Variants in CDH8 observed in about 807,000 individuals in gnomAD.
CDH8 encodes cadherin 8, also known as cadherin-8.
Under a neutral mutation model 68.1 loss-of-function variants are expected in CDH8, and 17 were observed. The observed-to-expected ratio is 0.25, with a 90% CI of 0.17 to 0.37. The LOEUF (loss-of-function observed/expected upper bound fraction) is 0.37. Among genes scored for constraint, CDH8 ranks in the 10% least tolerant of loss-of-function variants. The pLI is 1.00. For synonymous variants in CDH8, 372 were observed against 365.1 expected, an observed-to-expected ratio of 1.02 and a Z score of -0.21; for missense variants, 763 against 999.3, an observed-to-expected ratio of 0.76 and a Z score of 3.19.
chr16:61,764,070 C>A (rs985933477), intron 8 of CDH8, among the ~76,000 whole-genome samples: 1 of 152,048 alleles, frequency 6.6e-6, no homozygotes, highest in Admixed American at 6.6e-5. Context: ...TTGACAATTG[C>A]AATGGGCCAG....
intron 3 of CDH8, among the ~76,000 whole-genome samples, chr16:61,859,014 C>T (rs933838925): frequency 2.6e-5 from 4 of 152,032 alleles, no homozygotes; most frequent in South Asian, 2.1e-4. Context: ...AGATCTAGTC[C>T]GTCAATATCT....
intron 6 of CDH8, among the ~76,000 whole-genome samples, chr16:61,819,769 T>G (rs1344125868): frequency 6.6e-6 from 1 of 152,126 alleles, no homozygotes; most frequent in East Asian, 1.9e-4. Context: ...TACAGTCATA[T>G]CTACATAATG....
Position 61,649,729 on chromosome 16 carries a change from A to G in CDH8, c.*3879T>C, listed in dbSNP as rs1349704632. ...GCAAAGCCAGTGATCGCATAATACA[A>G]CTTGTTGGAAGGGCCTACTTGCCTT... is the stretch of plus-strand genomic sequence containing the variant. On this transcript the variant is annotated 3_prime_UTR_variant, in exon 12 of 12. Transcript: ENST00000577390. The G allele has an allele frequency of 1.3e-5, 2 of 152,016 alleles. No individual in the cohort carries two copies. Among genetic ancestry groups the G allele is most frequent in the Non-Finnish European group, 2.9e-5 (2 of 67,998 alleles). The allele number at this position is 152,016 out of a possible 1,614,324, so 9.4% of individuals were successfully genotyped here.
At chr16:61,963,276 C>T (rs1373846816) in intron 2 of CDH8, among the ~76,000 whole-genome samples, 1 of 152,132 alleles carries the variant, frequency 6.6e-6, no homozygotes, top group Non-Finnish European at 1.5e-5. Flanking sequence ...GTCACCATGA[C>T]CATCAGTGCA....
chr16:62,004,939 C>T (rs1174870955), intron 2 of CDH8, among the ~76,000 whole-genome samples: 1 of 152,182 alleles, frequency 6.6e-6, no homozygotes, highest in Non-Finnish European at 1.5e-5. Flanking sequence ...GTGGAGTTTA[C>T]AGAGTAGCAG....
intron 8 of CDH8, among the ~76,000 whole-genome samples, chr16:61,766,497 T>C (rs1960595142): frequency 6.6e-6 from 1 of 151,960 alleles, no homozygotes; most frequent in African/African-American, 2.4e-5. Flanking sequence ...TTCCCTTGGG[T>C]AGATACCCAG....
chr16:61,978,358 G>A (rs933675193), intron 2 of CDH8, among the ~76,000 whole-genome samples: 1 of 152,108 alleles, frequency 6.6e-6, no homozygotes, highest in Non-Finnish European at 1.5e-5. Flanking sequence ...ACCCATTGAT[G>A]GTGGCAGTGT....
chr16:61,961,945 C>T (rs956534653), intron 2 of CDH8, among the ~76,000 whole-genome samples: 1 of 152,144 alleles, frequency 6.6e-6, no homozygotes, highest in Non-Finnish European at 1.5e-5. Flanking sequence ...AACTAATAGC[C>T]TTCTGTGTAC....
Position 61,817,573 on chromosome 16 carries a change from T to C in CDH8, c.1183A>G (p.Thr395Ala), listed in dbSNP as rs1325798082. ...TTTTCATGAACTTCAAGTAGGTAAG[T>C]CGGTGAAGAGAAGACCGGAGGCTCA... ...ADEPPVFSSP[T>A]YLLEVHENAA... The change falls in exon 7 of 12, where the codon ACT becomes GCT. Residue 395 changes from threonine (T) to alanine (A), a missense_variant. This residue lies in a region of CDH8 where 366 missense variants were observed against 563.1 expected (regional missense o/e 0.65). Coordinates refer to ENST00000577390, the MANE Select transcript of CDH8 (RefSeq NM_001796.5). The C allele has an allele frequency of 6.2e-7, 1 of 1,613,820 alleles. No homozygotes were observed. Among genetic ancestry groups the C allele is most frequent in the African/African-American group, 1.3e-5 (1 of 74,878 alleles).
intron 8 of CDH8, among the ~76,000 whole-genome samples, chr16:61,754,426 G>A (rs2142954504): frequency 6.6e-6 from 1 of 152,142 alleles, no homozygotes; most frequent in South Asian, 2.1e-4. Flanking sequence ...TTGTTGGATG[G>A]ATAAACAAGT....
intron 2 of CDH8, among the ~76,000 whole-genome samples, chr16:62,003,175 T>A (rs1439175938): frequency 1.3e-5 from 2 of 152,228 alleles, no homozygotes; most frequent in Non-Finnish European, 2.9e-5. Flanking sequence ...GGTGGGCATG[T>A]AACATGCTTA....
intron 3 of CDH8, among the ~76,000 whole-genome samples, chr16:61,899,831 G>GACACACAC (rs35171683): frequency 0.088 from 12,897 of 147,246 alleles, 665 homozygotes; most frequent in South Asian, 0.15. Flanking sequence ...ATGTTATAAA[G>GACACACAC]ACACACACAC....
chr16:61,745,317 TG>T (rs1054967276), intron 8 of CDH8, among the ~76,000 whole-genome samples: 1 of 151,912 alleles, frequency 6.6e-6, no homozygotes, highest in Non-Finnish European at 1.5e-5. Flanking sequence ...AATGTTACTA[TG>T]ATGTGTCCTG....
At chr16:61,801,385 T>C (rs1961625029) in intron 7 of CDH8, among the ~76,000 whole-genome samples, 2 of 152,222 alleles carry the variant, frequency 1.3e-5, no homozygotes, top group African/African-American at 4.8e-5. Flanking sequence ...AAGTGTGCCC[T>C]GTTCTATCCA....
At chr16:61,730,728 A>C (rs1959511131) in intron 8 of CDH8, among the ~76,000 whole-genome samples, 1 of 151,636 alleles carries the variant, frequency 6.6e-6, no homozygotes. Flanking sequence ...AAAGTTAAGC[A>C]AAATAAAACC....
At chr16:61,838,087 T>C (rs1962605930) in intron 4 of CDH8, among the ~76,000 whole-genome samples, 1 of 120,578 alleles carries the variant, frequency 8.3e-6, no homozygotes, top group Non-Finnish European at 1.7e-5. Flanking sequence ...CACAGCAGTG[T>C]TTTTCCAAAG....
At chr16:61,666,480 G>T (rs1190505584) in intron 10 of CDH8, among the ~76,000 whole-genome samples, 1 of 151,806 alleles carries the variant, frequency 6.6e-6, no homozygotes, top group Non-Finnish European at 1.5e-5. Flanking sequence ...TGTTACTTTG[G>T]ACTAGATCCT....
intron 9 of CDH8, chr16:61,725,352 C>T (rs188230399): frequency 6.6e-6 from 1 of 150,950 alleles, no homozygotes; most frequent in Non-Finnish European, 1.5e-5. Context: ...ATCCAAGAAA[C>T]ATGCTTGTCA....
intron 7 of CDH8, among the ~76,000 whole-genome samples, chr16:61,813,224 T>G (rs1961991740): frequency 6.6e-6 from 1 of 152,146 alleles, no homozygotes; most frequent in South Asian, 2.1e-4. Flanking sequence ...TTGGTCCTAC[T>G]CAGTCATCCT....
Sources: gnomAD v4.1 joint callset for allele counts (sites outside exome capture counted in the v4.1 genomes callset) on GRCh38, gnomAD v4.1.1 for gene constraint, gnomAD v4.1.1 regional missense constraint, MANE v1.5 for transcripts, NCBI Gene and HGNC (gene_info 2026-07-23, HGNC 2026-07-21) for gene names.